The following ZNF618 variants were observed in gnomAD, a reference collection of about 807,000 sequenced individuals.
The protein encoded by ZNF618 is neural precursor cell expressed, developmentally down-regulated 10.
Under a neutral mutation model 103.0 loss-of-function variants are expected in ZNF618, and 34 were observed. That is an observed-to-expected ratio of 0.33 (90% confidence interval 0.25 to 0.44). The LOEUF (loss-of-function observed/expected upper bound fraction) is 0.44. Among genes scored for constraint, ZNF618 ranks in the 20% least tolerant of loss-of-function variants. ZNF618 has a pLI of 1.00. For synonymous variants in ZNF618, 551 were observed against 542.2 expected, an observed-to-expected ratio of 1.02 and a Z score of -0.23; for missense variants, 1,059 against 1,295.4, an observed-to-expected ratio of 0.82 and a Z score of 2.80.
chr9:113,965,401 C>G (rs941862340), intron 1 of ZNF618, among the ~76,000 whole-genome samples: 15 of 151,880 alleles, frequency 9.9e-5, no homozygotes, highest in South Asian at 2.1e-4. Flanking sequence ...AGAGGAGGGT[C>G]GAATGAAACC....
At chr9:114,013,680 C>T (rs1409104875) in intron 9 of ZNF618, among the ~76,000 whole-genome samples, 1 of 152,224 alleles carries the variant, frequency 6.6e-6, no homozygotes, top group Non-Finnish European at 1.5e-5. Flanking sequence ...ATCCACCTGC[C>T]TCGGCCTCCC....
intron 1 of ZNF618, among the ~76,000 whole-genome samples, chr9:113,920,250 C>T (rs965604719): frequency 2.0e-5 from 3 of 152,044 alleles, no homozygotes; most frequent in East Asian, 1.9e-4. Context: ...AGGCTATTGG[C>T]GTGGAGCCCT....
In ZNF618 at chr9:114,049,093, C is replaced by G; in HGVS notation, c.1791C>G (p.His597Gln). The change falls in exon 15 of 15, where the codon CAC (histidine) becomes CAG (glutamine). Residue 597 changes from histidine (H) to glutamine (Q), a missense_variant. By Grantham distance (24) the His-to-Gln change is conservative. Transcript: ENST00000374126. ...GCGACAGCGGTGACCTTGTGCACCA[C>G]TGGGTGCAGAACGTGCTGTCGGAGT... ...DIRDSGDLVH[H>Q]WVQNVLSEFV... The G allele has an allele frequency of 6.2e-7, 1 of 1,613,876 alleles. No homozygotes were observed.
chr9:113,941,240 ATTTTCCTCATTCTCCT>A (rs1328178646), intron 1 of ZNF618, among the ~76,000 whole-genome samples: 3 of 152,106 alleles, frequency 2.0e-5, no homozygotes, highest in Admixed American at 2.0e-4. Context: ...GGGCATTTAC[ATTTTCCTCATTCTCCT>A]TCCATAGTTT....
intron 1 of ZNF618, among the ~76,000 whole-genome samples, chr9:113,922,569 T>G (rs905431676): frequency 6.6e-6 from 1 of 151,688 alleles, no homozygotes; most frequent in African/African-American, 2.4e-5. Context: ...CCTTTGTGCC[T>G]TTGTCAAATA....
intron 13 of ZNF618, among the ~76,000 whole-genome samples, chr9:114,039,444 G>A (rs1844931493): frequency 6.7e-6 from 1 of 150,120 alleles, no homozygotes; most frequent in Non-Finnish European, 1.5e-5. Flanking sequence ...TCCACCTTCT[G>A]GGCTCAAGCG....
chr9:113,972,841 C>T (rs908645249), intron 2 of ZNF618, among the ~76,000 whole-genome samples: 21 of 152,052 alleles, frequency 1.4e-4, no homozygotes, highest in South Asian at 6.2e-4. Flanking sequence ...CCGAGGCGGG[C>T]GGATCACTTG....
chr9:113,907,381 C>G (rs10982001), intron 1 of ZNF618, among the ~76,000 whole-genome samples: 31 of 152,368 alleles, frequency 2.0e-4, no homozygotes, highest in Admixed American at 2.0e-3. Flanking sequence ...ATGGTGTTCA[C>G]AGGTCTGCTT....
intron 11 of ZNF618, 45 bp from the exon 12 acceptor site, chr9:114,032,600 G>A: frequency 6.3e-7 from 1 of 1,588,864 alleles, no homozygotes; most frequent in Non-Finnish European, 8.6e-7. Context: ...ACCTAGTGCT[G>A]ACCAATCACC....
chr9:113,984,237 A>G (rs1461774914), intron 2 of ZNF618, among the ~76,000 whole-genome samples: 1 of 152,238 alleles, frequency 6.6e-6, no homozygotes, highest in Admixed American at 6.5e-5. Context: ...GATGGCTGTC[A>G]GAGTCACCTG....
intron 1 of ZNF618, among the ~76,000 whole-genome samples, chr9:113,928,337 A>G (rs901413173): frequency 2.0e-5 from 3 of 152,212 alleles, no homozygotes; most frequent in Non-Finnish European, 4.4e-5. Context: ...TTTTTCCATT[A>G]GAACCCTAAA....
chr9:113,906,313 G>A (rs1830985146), intron 1 of ZNF618, among the ~76,000 whole-genome samples: 1 of 152,178 alleles, frequency 6.6e-6, no homozygotes, highest in South Asian at 2.1e-4. Context: ...TCCATAAAGT[G>A]CTGGGAAGAT....
intron 1 of ZNF618, among the ~76,000 whole-genome samples, chr9:113,905,255 C>G (rs1830890613): frequency 6.6e-6 from 1 of 152,088 alleles, no homozygotes; most frequent in Non-Finnish European, 1.5e-5. Context: ...TGGGGTTTCA[C>G]CATGTTAGCC....
intron 3 of ZNF618, among the ~76,000 whole-genome samples, chr9:113,992,013 CTGGCT>C (rs1319049596): frequency 6.6e-6 from 1 of 152,174 alleles, no homozygotes; most frequent in Non-Finnish European, 1.5e-5. Context: ...TCAGAGGAAG[CTGGCT>C]TGGCCTCATC....
At chr9:113,970,257 A>T (rs1837829411) in intron 2 of ZNF618, among the ~76,000 whole-genome samples, 1 of 152,092 alleles carries the variant, frequency 6.6e-6, no homozygotes, top group Non-Finnish European at 1.5e-5. Flanking sequence ...GCATTGAGCA[A>T]GTGTTCCTTG....
chr9:113,883,728 A>G (rs1480046275), intron 1 of ZNF618, among the ~76,000 whole-genome samples: 1 of 152,154 alleles, frequency 6.6e-6, no homozygotes, highest in Non-Finnish European at 1.5e-5. Context: ...TCCTAAGTTA[A>G]GGTAGACATC....
chr9:114,005,039 G>A (rs1024272584), intron 6 of ZNF618, among the ~76,000 whole-genome samples: 1 of 152,216 alleles, frequency 6.6e-6, no homozygotes, highest in Non-Finnish European at 1.5e-5. Flanking sequence ...CATTTGGCAA[G>A]TATTTATTGG....
intron 10 of ZNF618, among the ~76,000 whole-genome samples, chr9:114,022,700 T>A (rs1382770909): frequency 2.0e-5 from 3 of 151,962 alleles, no homozygotes; most frequent in African/African-American, 7.2e-5. Context: ...CTTTCTTTTT[T>A]AATTAGTTTG....
chr9:113,985,314 A>C (rs1839363467), intron 2 of ZNF618, among the ~76,000 whole-genome samples: 1 of 152,196 alleles, frequency 6.6e-6, no homozygotes, highest in African/African-American at 2.4e-5. Flanking sequence ...AGTCTGCTCC[A>C]GTGCTTCTCT....
Sources: gnomAD v4.1 joint callset for allele counts (sites outside exome capture counted in the v4.1 genomes callset) on GRCh38, gnomAD v4.1.1 for gene constraint, MANE v1.5 for transcripts, NCBI Gene and HGNC (gene_info 2026-07-23, HGNC 2026-07-21) for gene names.